C9orf85: variants seen among roughly 807,000 people sequenced by gnomAD.
C9orf85 encodes the protein chromosome 9 open reading frame 85.
A neutral mutation model predicts 14.9 loss-of-function variants in C9orf85; 16 were observed. The ratio of observed to expected loss-of-function variants is 1.08; its 90% CI spans 0.73 to 1.63. The LOEUF (loss-of-function observed/expected upper bound fraction) is 1.63, where lower values mean the gene tolerates loss of function less well. C9orf85 is among the 40% of genes most tolerant of loss of function. The pLI, the probability that C9orf85 is intolerant of heterozygous loss-of-function variation, is 0.00. For synonymous variants in C9orf85, 45 were observed against 56.8 expected (o/e 0.79, Z 0.93); for missense variants, 172 against 186.1 (o/e 0.92, Z 0.44).
chr9:71,931,466 A>G (rs1442827238), intron 1 of C9orf85, among the ~76,000 whole-genome samples: 2 of 152,200 alleles, frequency 1.3e-5, no homozygotes, highest in Non-Finnish European at 2.9e-5. Flanking sequence ...CATCACCCCA[A>G]AGAATCAGTG....
At chr9:71,938,465 A>G (rs1441011185) in intron 1 of C9orf85, among the ~76,000 whole-genome samples, 2 of 152,060 alleles carry the variant, frequency 1.3e-5, no homozygotes, top group Non-Finnish European at 1.5e-5. Context: ...GACTTGTTGT[A>G]TACTTTATTA....
At chr9:71,963,987 A>G (rs1219630621) in intron 2 of C9orf85, among the ~76,000 whole-genome samples, 1 of 152,180 alleles carries the variant, frequency 6.6e-6, no homozygotes, top group Non-Finnish European at 1.5e-5. Flanking sequence ...CACGGGGTGA[A>G]GCCAGCTGGG....
chr9:71,928,186 CAAAAAAAAAAAAA>C (rs58238164), intron 1 of C9orf85, among the ~76,000 whole-genome samples: 1 of 74,284 alleles, frequency 1.3e-5, no homozygotes, highest in Non-Finnish European at 2.5e-5. Context: ...GGCTCTGTCT[CAAAAAAAAAAAAA>C]AAAAAAAAAA....
At chr9:71,934,967 G>GA (rs1244502050) in intron 1 of C9orf85, among the ~76,000 whole-genome samples, 1 of 152,158 alleles carries the variant, frequency 6.6e-6, no homozygotes, top group Non-Finnish European at 1.5e-5. Context: ...GACCTAAGTA[G>GA]ACATTTCTCC....
At chr9:71,958,658 G>A (rs892780804) in intron 2 of C9orf85, among the ~76,000 whole-genome samples, 3 of 152,084 alleles carry the variant, frequency 2.0e-5, no homozygotes, top group African/African-American at 7.2e-5. Flanking sequence ...TTGCAAAGCT[G>A]TCTTAAGTAG....
At chr9:71,938,998 A>G (rs1828263934) in intron 1 of C9orf85, among the ~76,000 whole-genome samples, 1 of 151,776 alleles carries the variant, frequency 6.6e-6, no homozygotes. Flanking sequence ...GAACTTATGT[A>G]AATATATACT....
At chr9:71,931,679 A>G (rs1302941511) in intron 1 of C9orf85, among the ~76,000 whole-genome samples, 1 of 152,156 alleles carries the variant, frequency 6.6e-6, no homozygotes, top group East Asian at 1.9e-4. Flanking sequence ...GAATAGTACT[A>G]TTCATCCCTC....
intron 2 of C9orf85, among the ~76,000 whole-genome samples, chr9:71,963,391 C>T (rs1018122607): frequency 6.6e-6 from 1 of 152,078 alleles, no homozygotes; most frequent in African/African-American, 2.4e-5. Flanking sequence ...GTCCTCACAG[C>T]CCTCGCTCGC....
chr9:71,922,321 C>G (rs1241617140), intron 1 of C9orf85, among the ~76,000 whole-genome samples: 2 of 152,242 alleles, frequency 1.3e-5, no homozygotes, highest in Middle Eastern at 3.4e-3. Context: ...TAACCCGATG[C>G]AATTTTCCAA....
At chr9:71,944,756 C>T (rs1182854379) in intron 1 of C9orf85, among the ~76,000 whole-genome samples, 1 of 152,090 alleles carries the variant, frequency 6.6e-6, no homozygotes, top group Non-Finnish European at 1.5e-5. Flanking sequence ...TCTTCTGCAC[C>T]TATTTTTAAG....
chr9:71,933,222 TC>T (rs1828111485), intron 1 of C9orf85, among the ~76,000 whole-genome samples: 1 of 152,164 alleles, frequency 6.6e-6, no homozygotes, highest in African/African-American at 2.4e-5. Context: ...CCTGAAAACT[TC>T]CCAAACTTGG....
chr9:71,980,934 C>A (rs769396629), intron 3 of C9orf85, among the ~76,000 whole-genome samples: 17 of 152,146 alleles, frequency 1.1e-4, no homozygotes, highest in Non-Finnish European at 2.4e-4. Flanking sequence ...GAATCCCTTT[C>A]TTGGTCATGG....
intron 1 of C9orf85, among the ~76,000 whole-genome samples, chr9:71,934,474 A>T (rs911341160): frequency 1.2e-4 from 18 of 152,214 alleles, no homozygotes; most frequent in Non-Finnish European, 1.8e-4. Context: ...GAAAATTTAA[A>T]CATGTTTTTG....
At chr9:71,970,829 C>T (rs373037854) in intron 2 of C9orf85, among the ~76,000 whole-genome samples, 7 of 142,664 alleles carry the variant, frequency 4.9e-5, no homozygotes, top group Admixed American at 7.1e-5. Context: ...AATATTAAGT[C>T]TTTTTTTTTT....
At chr9:71,925,907 G>T (rs1412852560) in intron 1 of C9orf85, among the ~76,000 whole-genome samples, 11 of 152,146 alleles carry the variant, frequency 7.2e-5, no homozygotes, top group Admixed American at 4.6e-4. Flanking sequence ...GGAAGTTAAG[G>T]TTTTTTCAGT....
At chr9:71,978,879 CA>C (rs1823049720) in intron 3 of C9orf85, among the ~76,000 whole-genome samples, 1 of 152,034 alleles carries the variant, frequency 6.6e-6, no homozygotes, top group South Asian at 2.1e-4. Flanking sequence ...ACTAAAAATA[CA>C]AAAAATTAGC....
chr9:71,939,270 CT>C (rs1366389705), intron 1 of C9orf85, among the ~76,000 whole-genome samples: 1 of 151,660 alleles, frequency 6.6e-6, no homozygotes, highest in African/African-American at 2.4e-5. Context: ...CTCTTGTGCT[CT>C]TCTAAGTTAT....
At chr9:71,956,524 C>T (rs867061359) in intron 2 of C9orf85, among the ~76,000 whole-genome samples, 1 of 151,898 alleles carries the variant, frequency 6.6e-6, no homozygotes, top group African/African-American at 2.4e-5. Flanking sequence ...GCTGGAATTA[C>T]AGGTGTGGAC....
intron 1 of C9orf85, among the ~76,000 whole-genome samples, chr9:71,936,883 G>A (rs369188638): frequency 2.9e-4 from 43 of 150,816 alleles, no homozygotes; most frequent in African/African-American, 9.0e-4. Context: ...CTCAGCTTCT[G>A]GAGTAGCTGG....
Sources: gnomAD v4.1 joint callset for allele counts (sites outside exome capture counted in the v4.1 genomes callset) on GRCh38, gnomAD v4.1.1 for gene constraint, MANE v1.5 for transcripts, NCBI Gene and HGNC (gene_info 2026-07-23, HGNC 2026-07-21) for gene names.